ZNF385D: variants seen among roughly 807,000 people sequenced by gnomAD.
ZNF385D encodes zinc finger protein 385D.
In ZNF385D, 15 loss-of-function variants were observed where a neutral mutation model predicts 35.8. The ratio of observed to expected loss-of-function variants is 0.42; its 90% confidence interval spans 0.28 to 0.64. ZNF385D has a LOEUF of 0.64. Among genes scored for constraint, ZNF385D ranks in the 30% least tolerant of loss-of-function variants. The pLI is 0.23. For missense variants in ZNF385D, 474 were observed against 494.6 expected (o/e 0.96, Z 0.39); for synonymous variants, 212 against 186.8 (o/e 1.13, Z -1.10).
At chr3:21,982,456 T>C (rs76551632) in intron 3 of ZNF385D, among the ~76,000 whole-genome samples, 4,989 of 152,242 alleles carry the variant, frequency 0.033, 135 homozygotes, top group Non-Finnish European at 0.051. Flanking sequence ...TTTGCTGAAG[T>C]TGTTTATCAG....
At chr3:21,474,023 T>C (rs1478091084) in intron 4 of ZNF385D, among the ~76,000 whole-genome samples, 1 of 152,082 alleles carries the variant, frequency 6.6e-6, no homozygotes, top group Non-Finnish European at 1.5e-5. Flanking sequence ...TGTGTGTATA[T>C]ATATGTATCT....
chr3:22,191,114 A>C (rs927032158), intron 2 of ZNF385D, among the ~76,000 whole-genome samples: 5 of 151,244 alleles, frequency 3.3e-5, no homozygotes, highest in Admixed American at 2.0e-4. Context: ...CCACAGCAGA[A>C]ATTGCTTTTT....
intron 2 of ZNF385D, among the ~76,000 whole-genome samples, chr3:22,177,525 C>A (rs984937067): frequency 2.6e-5 from 4 of 152,154 alleles, no homozygotes; most frequent in Non-Finnish European, 4.4e-5. Flanking sequence ...TCACACAATA[C>A]CCTAGTTCTC....
intron 2 of ZNF385D, among the ~76,000 whole-genome samples, chr3:21,616,237 C>T (rs2064842735): frequency 6.6e-6 from 1 of 152,104 alleles, no homozygotes; most frequent in Non-Finnish European, 1.5e-5. Context: ...GATGAGAACA[C>T]ACAATATCAG....
intron 3 of ZNF385D, among the ~76,000 whole-genome samples, chr3:22,035,609 G>A (rs1321215315): frequency 6.6e-6 from 1 of 152,136 alleles, no homozygotes; most frequent in Non-Finnish European, 1.5e-5. Flanking sequence ...TAGAAATGTA[G>A]CAGAGGCAGA....
intron 2 of ZNF385D, among the ~76,000 whole-genome samples, chr3:22,200,455 C>G (rs1696710268): frequency 6.6e-6 from 1 of 152,018 alleles, no homozygotes; most frequent in African/African-American, 2.4e-5. Context: ...GTGTGGGTCA[C>G]AGACATCAAG....
At chr3:21,828,832 G>T (rs1385539330) in intron 3 of ZNF385D, among the ~76,000 whole-genome samples, 4 of 152,110 alleles carry the variant, frequency 2.6e-5, no homozygotes, top group Non-Finnish European at 5.9e-5. Flanking sequence ...TAATTTCTTT[G>T]CCTTTTACAG....
In ZNF385D at chr3:21,970,998, T is replaced by C. The variant is rs147546051; in HGVS notation, c.325+197819A>G. On this transcript the variant is annotated intron_variant, in intron 3 of 5. Transcript: ENST00000494108. The stretch of plus-strand genomic sequence containing the variant: ...GTTCTTCAAACAAAGGAGAAAGAAA[T>C]AGTTTTCCAGACAATCAAAAGCTGA... 3.6e-3 allele frequency among the ~76,000 whole-genome samples: 540 copies of C among 151,836 alleles called. 4 individuals are homozygous for C. The highest frequency in any genetic ancestry group is 0.012 in the African/African-American group (516 of 41,458).
intron 3 of ZNF385D, among the ~76,000 whole-genome samples, chr3:21,548,890 A>G (rs756535442): frequency 1.3e-5 from 2 of 152,218 alleles, no homozygotes; most frequent in African/African-American, 4.8e-5. Context: ...GAAAAAGTCA[A>G]CTAAATATTT....
At chr3:22,191,098 G>A (rs907531202) in intron 2 of ZNF385D, among the ~76,000 whole-genome samples, 12 of 152,090 alleles carry the variant, frequency 7.9e-5, no homozygotes, top group African/African-American at 2.4e-4. Flanking sequence ...AATAAACATA[G>A]GAAGTCCACA....
At chr3:21,523,296 C>T (rs964294567) in intron 3 of ZNF385D, among the ~76,000 whole-genome samples, 6 of 152,174 alleles carry the variant, frequency 3.9e-5, no homozygotes, top group Admixed American at 6.5e-5. Context: ...AGAACTTGTA[C>T]TGAAGTCTAA....
chr3:21,948,741 C>A (rs1221531656), intron 3 of ZNF385D, among the ~76,000 whole-genome samples: 1 of 151,988 alleles, frequency 6.6e-6, no homozygotes, highest in Non-Finnish European at 1.5e-5. Flanking sequence ...TTCTCAATTT[C>A]ATTGTTCACT....
intron 2 of ZNF385D, among the ~76,000 whole-genome samples, chr3:22,345,269 A>T (rs1695605608): frequency 6.6e-6 from 1 of 152,222 alleles, no homozygotes; most frequent in Non-Finnish European, 1.5e-5. Context: ...CATACCAGAT[A>T]CAGAGCAAAA....
At chr3:22,279,644 T>C (rs1183434239) in intron 2 of ZNF385D, among the ~76,000 whole-genome samples, 1 of 104,790 alleles carries the variant, frequency 9.5e-6, no homozygotes, top group Non-Finnish European at 1.9e-5. Context: ...ATATTTTATA[T>C]ATATATATAT....
At chr3:21,563,756 C>G (rs1176674417) in intron 3 of ZNF385D, among the ~76,000 whole-genome samples, 1 of 152,170 alleles carries the variant, frequency 6.6e-6, no homozygotes, top group Non-Finnish European at 1.5e-5. Context: ...TGTGAATGCT[C>G]TCCAATCCCT....
chr3:22,315,918 A>G (rs1354145416), intron 2 of ZNF385D, among the ~76,000 whole-genome samples: 1 of 152,228 alleles, frequency 6.6e-6, no homozygotes, highest in African/African-American at 2.4e-5. Flanking sequence ...ATTCTGCTAA[A>G]AAGTAGGCAT....
At chr3:22,243,184 AAAAC>A (rs1699588562) in intron 2 of ZNF385D, among the ~76,000 whole-genome samples, 1 of 151,088 alleles carries the variant, frequency 6.6e-6, no homozygotes, top group African/African-American at 2.4e-5. Flanking sequence ...CAATAATAAA[AAAAC>A]AAACAGCCCA....
At chr3:21,953,424 T>C (rs1159350136) in intron 3 of ZNF385D, among the ~76,000 whole-genome samples, 1 of 152,040 alleles carries the variant, frequency 6.6e-6, no homozygotes, top group African/African-American at 2.4e-5. Flanking sequence ...CTTTTATGAC[T>C]ATATTCCTTA....
chr3:22,166,495 T>C (rs1051145478), intron 3 of ZNF385D, among the ~76,000 whole-genome samples: 1 of 152,216 alleles, frequency 6.6e-6, no homozygotes, highest in African/African-American at 2.4e-5. Flanking sequence ...AACTATTTAA[T>C]AGCTGTGTGA....
Sources: allele counts gnomAD v4.1 joint callset (sites outside exome capture counted in the v4.1 genomes callset), GRCh38; gene constraint gnomAD v4.1.1; transcripts MANE v1.5; gene names NCBI Gene and HGNC (gene_info 2026-07-23, HGNC 2026-07-21).